Variants in SUPT3H observed in about 807,000 individuals in gnomAD.
The protein encoded by SUPT3H is transcription initiation protein SPT3 homolog.
Under a neutral mutation model 44.3 loss-of-function variants are expected in SUPT3H, and 44 were observed. The observed-to-expected ratio is 0.99, with a 90% CI of 0.78 to 1.28. SUPT3H has a LOEUF of 1.28. Among genes scored for constraint, SUPT3H ranks in the 50% most tolerant of loss-of-function variants. The pLI is 0.00. For missense variants in SUPT3H, 380 were observed against 387.1 expected, an observed-to-expected ratio of 0.98 and a Z score of 0.15; for synonymous variants, 124 against 125.6, an observed-to-expected ratio of 0.99 and a Z score of 0.09.
intron 2 of SUPT3H, among the ~76,000 whole-genome samples, chr6:45,107,987 T>C (rs180864709): frequency 2.0e-5 from 3 of 152,182 alleles, no homozygotes; most frequent in East Asian, 1.9e-4. Context: ...AAAAATATAA[T>C]AGCATTTAAA....
intron 1 of SUPT3H, among the ~76,000 whole-genome samples, chr6:45,372,554 T>A (rs1796232532): frequency 6.6e-6 from 1 of 152,234 alleles, no homozygotes; most frequent in Non-Finnish European, 1.5e-5. Context: ...TATATTTGTA[T>A]GTTATTTTAG....
intron 4 of SUPT3H, among the ~76,000 whole-genome samples, chr6:45,017,838 T>G (rs1298002464): frequency 7.1e-6 from 1 of 141,738 alleles, no homozygotes; most frequent in Non-Finnish European, 1.5e-5. Flanking sequence ...GGCTCTGTTT[T>G]GGTTCCATAT....
At chr6:45,109,588 GA>G (rs1799756066) in intron 2 of SUPT3H, among the ~76,000 whole-genome samples, 1 of 152,152 alleles carries the variant, frequency 6.6e-6, no homozygotes, top group South Asian at 2.1e-4. Flanking sequence ...ATCATTTGAT[GA>G]GTATATTATT....
intron 2 of SUPT3H, among the ~76,000 whole-genome samples, chr6:45,274,959 T>A (rs1159757289): frequency 6.6e-6 from 1 of 152,174 alleles, no homozygotes; most frequent in Non-Finnish European, 1.5e-5. Flanking sequence ...ATTTTTTTCT[T>A]TTTTTCTATT....
At position 45,110,573 on chromosome 6, in the gene SUPT3H, A is replaced by ATTT. The variant is rs1321991886; in HGVS notation, c.102-4568_102-4567insAAA. On this transcript the variant is annotated intron_variant, in intron 2 of 10. Coordinates refer to ENST00000371459, the MANE Select transcript of SUPT3H (RefSeq NM_003599.4). ...CTTTCTAACATCAGCTTTTTTTAAA[A>ATTT]AAAAAAAAGGAGAAAGATTTCTTAA... Among the ~76,000 whole-genome samples the ATTT allele has an allele frequency of 5.3e-5, 8 of 151,784 alleles. No individual in the cohort carries two copies. The South Asian group carries it at 6.3e-4, about 12-fold the overall frequency.
At chr6:44,993,163 T>TAAAAC (rs547409555) in intron 6 of SUPT3H, among the ~76,000 whole-genome samples, 290 of 152,090 alleles carry the variant, frequency 1.9e-3, no homozygotes, top group African/African-American at 6.9e-3. Flanking sequence ...ACTCTGTCTT[T>TAAAAC]AAAACAAAAC....
chr6:44,986,539 G>A (rs1779819269), intron 6 of SUPT3H, among the ~76,000 whole-genome samples: 2 of 152,082 alleles, frequency 1.3e-5, no homozygotes, highest in Admixed American at 6.6e-5. Context: ...TATACCATCA[G>A]TAGTCGAAAT....
In SUPT3H at chr6:44,980,002, A is replaced by G. The variant is rs140245588; in HGVS notation, c.505-18174T>C. 1.9e-3 allele frequency among the ~76,000 whole-genome samples: 284 copies of G among 152,316 alleles called. 2 individuals carry two copies. The highest frequency in any genetic ancestry group is 0.01 in the Middle Eastern group (3 of 294). ...ATTAGTTAAGATTATTTCTGGCTACATATATAAGCCAAAATTATAGTTGCT... is the reference window on the plus strand; with the variant it reads ...ATTAGTTAAGATTATTTCTGGCTACGTATATAAGCCAAAATTATAGTTGCT... On this transcript the variant is annotated intron_variant, in intron 6 of 10. Coordinates refer to ENST00000371459, the MANE Select transcript of SUPT3H (RefSeq NM_003599.4).
At chr6:45,032,565 A>T (rs1304310750) in intron 3 of SUPT3H, among the ~76,000 whole-genome samples, 1 of 152,170 alleles carries the variant, frequency 6.6e-6, no homozygotes, top group African/African-American at 2.4e-5. Flanking sequence ...CTAAAACCAA[A>T]ATCAGGATAT....
intron 6 of SUPT3H, among the ~76,000 whole-genome samples, chr6:44,995,854 C>G (rs897875921): frequency 6.6e-6 from 1 of 151,910 alleles, no homozygotes; most frequent in Non-Finnish European, 1.5e-5. Context: ...AAATTCAAAA[C>G]AGCATAAATT....
chr6:44,899,274 T>C (rs539727580), intron 10 of SUPT3H: 1 of 152,320 alleles, frequency 6.6e-6, no homozygotes, highest in African/African-American at 2.4e-5. Context: ...TTAAGAACTA[T>C]ATAGTAAGTA....
chr6:44,812,508 A>G (rs1009653026), intron 11 of SUPT3H, among the ~76,000 whole-genome samples: 1 of 152,204 alleles, frequency 6.6e-6, no homozygotes, highest in Non-Finnish European at 1.5e-5. Flanking sequence ...TAACCTCTCC[A>G]TCTTAACTTC....
At chr6:45,017,573 G>T (rs1029102626) in intron 4 of SUPT3H, among the ~76,000 whole-genome samples, 4 of 152,126 alleles carry the variant, frequency 2.6e-5, no homozygotes, top group Admixed American at 2.6e-4. Context: ...TGGCTAGCCA[G>T]TTTTCCCAGC....
chr6:45,270,051 G>A (rs1485284047), intron 2 of SUPT3H, among the ~76,000 whole-genome samples: 3 of 152,124 alleles, frequency 2.0e-5, no homozygotes, highest in Non-Finnish European at 2.9e-5. Flanking sequence ...TGGTATTTAT[G>A]ACTGGCTTCT....
intron 2 of SUPT3H, among the ~76,000 whole-genome samples, chr6:45,226,550 T>C (rs892607846): frequency 2.0e-5 from 3 of 151,716 alleles, no homozygotes; most frequent in Admixed American, 1.3e-4. Context: ...CAAAAAAAAA[T>C]TTTTTCTTCT....
chr6:44,949,156 C>T (rs553241512), intron 9 of SUPT3H, among the ~76,000 whole-genome samples: 22 of 152,090 alleles, frequency 1.4e-4, no homozygotes, highest in Admixed American at 3.3e-4. Flanking sequence ...AACCAAACAC[C>T]GCATGTTCTC....
intron 10 of SUPT3H, among the ~76,000 whole-genome samples, chr6:44,845,760 A>G (rs1176115577): frequency 1.3e-5 from 2 of 152,170 alleles, no homozygotes; most frequent in African/African-American, 4.8e-5. Context: ...CAGGCCACTG[A>G]GCAACCCGAC....
intron 2 of SUPT3H, among the ~76,000 whole-genome samples, chr6:45,320,377 C>G (rs1785298023): frequency 6.6e-6 from 1 of 151,974 alleles, no homozygotes; most frequent in Non-Finnish European, 1.5e-5. Flanking sequence ...GATCCTCTCA[C>G]CTCAGCCTCC....
At chr6:44,863,242 T>A (rs1220994695) in intron 10 of SUPT3H, among the ~76,000 whole-genome samples, 1 of 152,132 alleles carries the variant, frequency 6.6e-6, no homozygotes, top group African/African-American at 2.4e-5. Context: ...GCCAAACAGG[T>A]AAAGTCCATG....
Sources: gnomAD v4.1 joint callset for allele counts (sites outside exome capture counted in the v4.1 genomes callset) on GRCh38, gnomAD v4.1.1 for gene constraint, MANE v1.5 for transcripts, NCBI Gene and HGNC (gene_info 2026-07-23, HGNC 2026-07-21) for gene names.